Variants in CTNNA3 observed in about 807,000 individuals in gnomAD.
CTNNA3 encodes the protein catenin alpha-3.
CTNNA3 carries 76 observed loss-of-function variants against 95.7 expected under a neutral mutation model. That is an observed-to-expected ratio of 0.79 (90% CI 0.66 to 0.96). The LOEUF (loss-of-function observed/expected upper bound fraction) is 0.96, where lower values mean the gene tolerates loss of function less well. Ranked by LOEUF, CTNNA3 falls within the 40% of genes least tolerant of loss-of-function variation. CTNNA3 has a pLI of 0.00. For missense variants in CTNNA3, 1,191 were observed against 1,089.8 expected, an observed-to-expected ratio of 1.09 and a Z score of -1.31; for synonymous variants, 431 against 374.4, an observed-to-expected ratio of 1.15 and a Z score of -1.74.
intron 13 of CTNNA3, among the ~76,000 whole-genome samples, chr10:66,147,787 T>TGTACGTATA (rs1554866416): frequency 2.0e-5 from 3 of 149,676 alleles, no homozygotes; most frequent in South Asian, 4.2e-4. Flanking sequence ...ATGTATAGTA[T>TGTACGTATA]GTATGTATAG....
At chr10:67,660,930 CAA>C (rs71006158) in intron 1 of CTNNA3, among the ~76,000 whole-genome samples, 18 of 104,736 alleles carry the variant, frequency 1.7e-4, no homozygotes, top group Admixed American at 2.1e-4. Flanking sequence ...GACTCCGTCT[CAA>C]AAAAAAAAAA....
At chr10:66,557,062 C>T (rs1842413370) in intron 10 of CTNNA3, among the ~76,000 whole-genome samples, 1 of 151,794 alleles carries the variant, frequency 6.6e-6, no homozygotes, top group Admixed American at 6.6e-5. Context: ...TTTTCATAGT[C>T]ATATCTTTGT....
chr10:66,752,491 A>T (rs1156268577), intron 9 of CTNNA3, among the ~76,000 whole-genome samples: 11 of 152,288 alleles, frequency 7.2e-5, no homozygotes, highest in Non-Finnish European at 1.2e-4. Flanking sequence ...AGAGAAACAT[A>T]GAAGAAAGTC....
chr10:66,751,245 G>A (rs1839126400), intron 9 of CTNNA3, among the ~76,000 whole-genome samples: 1 of 152,074 alleles, frequency 6.6e-6, no homozygotes, highest in Non-Finnish European at 1.5e-5. Flanking sequence ...TGCAACCTGG[G>A]TGACAGAGTG....
chr10:67,316,646 T>C (rs1022956091), intron 5 of CTNNA3, among the ~76,000 whole-genome samples: 1 of 152,162 alleles, frequency 6.6e-6, no homozygotes, highest in Non-Finnish European at 1.5e-5. Context: ...ATTGCATCAT[T>C]GGTTGAGATA....
chr10:66,976,112 T>C (rs762767424), intron 7 of CTNNA3, among the ~76,000 whole-genome samples: 1 of 152,196 alleles, frequency 6.6e-6, no homozygotes, highest in Non-Finnish European at 1.5e-5. Flanking sequence ...TTTGTATTAA[T>C]GAAACAAACA....
intron 12 of CTNNA3, among the ~76,000 whole-genome samples, chr10:66,364,736 T>G (rs1357143880): frequency 6.6e-6 from 1 of 152,132 alleles, no homozygotes; most frequent in Admixed American, 6.6e-5. Context: ...CCCATAGAGT[T>G]TAACGTATTT....
chr10:66,633,190 T>C (rs1845206335), intron 9 of CTNNA3, among the ~76,000 whole-genome samples: 1 of 152,164 alleles, frequency 6.6e-6, no homozygotes, highest in South Asian at 2.1e-4. Flanking sequence ...TACTTGCATA[T>C]GTGAACAGAC....
intron 5 of CTNNA3, among the ~76,000 whole-genome samples, chr10:67,292,279 A>G (rs1202098648): frequency 6.6e-6 from 1 of 152,176 alleles, no homozygotes; most frequent in African/African-American, 2.4e-5. Context: ...TTTCTACGAC[A>G]TGCCCTGGGG....
intron 15 of CTNNA3, among the ~76,000 whole-genome samples, chr10:66,021,851 G>GTTTTTTTTTTTTTTTTTTT (rs1564583857): frequency 2.9e-4 from 12 of 41,664 alleles, no homozygotes; most frequent in East Asian, 3.6e-3. Flanking sequence ...CAGGATCTTG[G>GTTTTTTTTTTTTTTTTTTT]CTTTTTTTTT....
chr10:67,091,721 T>C (rs576251313), intron 7 of CTNNA3, among the ~76,000 whole-genome samples: 3 of 152,150 alleles, frequency 2.0e-5, no homozygotes, highest in Non-Finnish European at 2.9e-5. Context: ...CTGTCATTGA[T>C]GTCAAGAAAG....
chr10:67,407,295 T>A (rs2132825597), intron 5 of CTNNA3, among the ~76,000 whole-genome samples: 1 of 152,236 alleles, frequency 6.6e-6, no homozygotes, highest in East Asian at 1.9e-4. Flanking sequence ...ATTTATCACA[T>A]AAACAGAACT....
intron 7 of CTNNA3, among the ~76,000 whole-genome samples, chr10:66,890,822 G>A (rs1405451492): frequency 6.6e-6 from 1 of 152,138 alleles, no homozygotes. Flanking sequence ...AGAGAATGGT[G>A]ATGCAGGGAC....
At chr10:66,314,845 A>C (rs548868148) in intron 12 of CTNNA3, among the ~76,000 whole-genome samples, 1 of 152,204 alleles carries the variant, frequency 6.6e-6, no homozygotes, top group African/African-American at 2.4e-5. Context: ...AACAGTAAAA[A>C]TCCAGTTTTA....
intron 1 of CTNNA3, among the ~76,000 whole-genome samples, chr10:67,722,035 G>T (rs183489462): frequency 6.6e-6 from 1 of 152,116 alleles, no homozygotes. Flanking sequence ...TGTTGGTCTT[G>T]CCGGGAGCTG....
At chr10:65,994,495 A>T (rs529272348) in intron 15 of CTNNA3, among the ~76,000 whole-genome samples, 2 of 151,598 alleles carry the variant, frequency 1.3e-5, no homozygotes, top group Middle Eastern at 3.4e-3. Context: ...CTGATCTGTA[A>T]TTTTTCTGCT....
intron 5 of CTNNA3, among the ~76,000 whole-genome samples, chr10:67,266,058 A>G (rs903946072): frequency 2.0e-5 from 3 of 152,152 alleles, no homozygotes; most frequent in Non-Finnish European, 4.4e-5. Flanking sequence ...AAAAAGAGAG[A>G]CCAAAATAAA....
intron 7 of CTNNA3, among the ~76,000 whole-genome samples, chr10:67,002,122 C>G (rs1166212592): frequency 6.6e-6 from 1 of 152,180 alleles, no homozygotes; most frequent in South Asian, 2.1e-4. Context: ...TCAATGATCT[C>G]TAAGCTCTCT....
At chr10:66,629,752 G>A (rs1252643617) in intron 9 of CTNNA3, among the ~76,000 whole-genome samples, 1 of 151,986 alleles carries the variant, frequency 6.6e-6, no homozygotes, top group East Asian at 1.9e-4. Flanking sequence ...GTACTTTTAT[G>A]TATCAATGCT....
Sources: gnomAD v4.1 joint callset for allele counts (sites outside exome capture counted in the v4.1 genomes callset) on GRCh38, gnomAD v4.1.1 for gene constraint, MANE v1.5 for transcripts, NCBI Gene and HGNC (gene_info 2026-07-23, HGNC 2026-07-21) for gene names.